CDH12: variants seen among roughly 807,000 people sequenced by gnomAD.
CDH12 encodes cadherin-12.
In CDH12, 41 loss-of-function variants were observed where a neutral mutation model predicts 74.1. The observed-to-expected ratio is 0.55, with a 90% CI of 0.43 to 0.72. The LOEUF (loss-of-function observed/expected upper bound fraction) is 0.72. CDH12 is among the 30% of genes least tolerant of loss of function. The probability of loss-of-function intolerance (pLI) is 0.00; values close to 1 mark genes in which losing one functional copy is unlikely to be tolerated. For missense variants in CDH12, 945 were observed against 977.2 expected, an observed-to-expected ratio of 0.97 and a Z score of 0.44; for synonymous variants, 399 against 355.0, an observed-to-expected ratio of 1.12 and a Z score of -1.39.
intron 2 of CDH12, among the ~76,000 whole-genome samples, chr5:22,427,518 A>G (rs567542534): frequency 6.6e-6 from 1 of 152,280 alleles, no homozygotes; most frequent in East Asian, 1.9e-4. Flanking sequence ...AACTAAAACG[A>G]TTTAATACAG....
At chr5:22,081,888 T>A (rs1742754047) in intron 4 of CDH12, among the ~76,000 whole-genome samples, 1 of 152,172 alleles carries the variant, frequency 6.6e-6, no homozygotes, top group Non-Finnish European at 1.5e-5. Flanking sequence ...GTCTATAGTG[T>A]GGAAAAATTA....
intron 1 of CDH12, among the ~76,000 whole-genome samples, chr5:22,697,498 G>C (rs1253535421): frequency 6.6e-6 from 1 of 150,942 alleles, no homozygotes; most frequent in Non-Finnish European, 1.5e-5. Context: ...CGTGAACCCG[G>C]GAGGCGGAGC....
intron 6 of CDH12, among the ~76,000 whole-genome samples, chr5:21,888,346 C>G (rs1752738420): frequency 1.3e-5 from 2 of 152,224 alleles, no homozygotes; most frequent in East Asian, 1.9e-4. Context: ...TATCAAACAC[C>G]TTACCTGTTA....
intron 4 of CDH12, among the ~76,000 whole-genome samples, chr5:22,168,482 T>A (rs1446311163): frequency 6.6e-6 from 1 of 152,026 alleles, no homozygotes; most frequent in Non-Finnish European, 1.5e-5. Context: ...AAGGAAGAAG[T>A]CATTTAATTT....
intron 1 of CDH12, among the ~76,000 whole-genome samples, chr5:22,603,261 C>T (rs1394297660): frequency 6.6e-6 from 1 of 151,940 alleles, no homozygotes; most frequent in Non-Finnish European, 1.5e-5. Context: ...AAAATAAATG[C>T]ATGCATAAAT....
chr5:22,629,788 T>C (rs1738487819), intron 1 of CDH12, among the ~76,000 whole-genome samples: 1 of 151,910 alleles, frequency 6.6e-6, no homozygotes, highest in Non-Finnish European at 1.5e-5. Flanking sequence ...AAGAAATAAA[T>C]GGCATCCAAA....
Position 22,698,064 on chromosome 5 carries a change from A to ATATT in CDH12, c.-523+154990_-523+154993dup, listed in dbSNP as rs1476881264. 3.4e-5 allele frequency among the ~76,000 whole-genome samples: 5 copies of ATATT among 147,338 alleles called. No individual in the cohort carries two copies. The East Asian group carries it at 1.0e-3, about 30-fold the overall frequency. ...GAGCTAATACAATTGAACTCATTTT[A>ATATT]TATTTTAGAGACTATTCAGATAGGT... On this transcript the variant is annotated intron_variant, in intron 1 of 14. Coordinates refer to ENST00000382254, the MANE Select transcript of CDH12 (RefSeq NM_004061.5).
At chr5:22,446,066 C>G (rs1180610082) in intron 2 of CDH12, among the ~76,000 whole-genome samples, 1 of 152,094 alleles carries the variant, frequency 6.6e-6, no homozygotes, top group East Asian at 1.9e-4. Flanking sequence ...GCTGGACAAA[C>G]AGGCAACCCC....
intron 6 of CDH12, among the ~76,000 whole-genome samples, chr5:21,967,999 C>T (rs1475671472): frequency 2.0e-5 from 3 of 152,142 alleles, no homozygotes; most frequent in East Asian, 1.9e-4. Context: ...AAGGTAAAGG[C>T]GTCCTCTACA....
At chr5:22,260,179 T>C (rs925381808) in intron 3 of CDH12, among the ~76,000 whole-genome samples, 2 of 152,080 alleles carry the variant, frequency 1.3e-5, no homozygotes, top group Non-Finnish European at 2.9e-5. Flanking sequence ...CTGTTTGAAA[T>C]ATGAAGATTT....
chr5:21,938,748 A>ATATATATC (rs1490336535), intron 6 of CDH12, among the ~76,000 whole-genome samples: 1 of 136,598 alleles, frequency 7.3e-6, no homozygotes, highest in African/African-American at 3.0e-5. Context: ...ATATATATAT[A>ATATATATC]TCTTCTACAT....
At chr5:22,625,822 A>G (rs145365372) in intron 1 of CDH12, among the ~76,000 whole-genome samples, 1 of 151,828 alleles carries the variant, frequency 6.6e-6, no homozygotes, top group East Asian at 1.9e-4. Context: ...CAGCAAACTG[A>G]CCTTTGTTGA....
rs758159930 is a variant in CDH12 at position 21,817,041 on chromosome 5, T to C, written c.906A>G (p.Ala302=). The stretch of plus-strand genomic sequence containing the variant: ...CTGGAACAATATTGTATTCAATTTC[T>C]GCATTTTGTCCAAAATCAGGATCCA... ...RAVDPDFGQN[A]EIEYNIVPGD... The change falls in exon 9 of 15, where the codon GCA becomes GCG. Residue 302 remains alanine (A), a synonymous_variant. Coordinates refer to ENST00000382254, the MANE Select transcript of CDH12 (RefSeq NM_004061.5). The C allele has an allele frequency of 3.7e-6, 6 of 1,612,838 alleles. No homozygotes were observed. The highest frequency in any genetic ancestry group is 1.7e-5 in the Admixed American group (1 of 59,924).
chr5:22,830,593 T>G (rs1736555989), intron 1 of CDH12, among the ~76,000 whole-genome samples: 1 of 151,836 alleles, frequency 6.6e-6, no homozygotes, highest in South Asian at 2.1e-4. Flanking sequence ...TTTTATATAG[T>G]TTTCTTCTGT....
chr5:21,790,074 T>C (rs1002012255), intron 10 of CDH12, among the ~76,000 whole-genome samples: 4 of 152,104 alleles, frequency 2.6e-5, no homozygotes, highest in Admixed American at 6.6e-5. Flanking sequence ...TCTCAGTTTT[T>C]ACAGTGAGTG....
chr5:21,898,862 G>A lies in CDH12; in HGVS notation c.527-44072C>T, dbSNP rs539115563. Among the ~76,000 whole-genome samples, 125 of 121,666 alleles carry A rather than the reference G, an allele frequency of 1.0e-3. 1 individual carries two copies. Among genetic ancestry groups the A allele is most frequent in the Non-Finnish European group, 1.7e-3 (101 of 58,420 alleles). 79.8% of individuals were successfully genotyped at this position (121,666 alleles called of 152,430 possible). On this transcript the variant is annotated intron_variant, in intron 6 of 14. Transcript: ENST00000382254. The stretch of plus-strand genomic sequence containing the variant: ...AAGGAGAGGAAATCTGGTCTGTATC[G>A]CTTGAATTTTATCATGGAAGTTAAA...
intron 3 of CDH12, among the ~76,000 whole-genome samples, chr5:22,350,200 A>G (rs190905536): frequency 1.3e-5 from 2 of 152,222 alleles, no homozygotes; most frequent in African/African-American, 4.8e-5. Context: ...TGATTTTTCT[A>G]TTCAACAAAT....
intron 4 of CDH12, among the ~76,000 whole-genome samples, chr5:22,096,258 G>A (rs915618853): frequency 2.0e-5 from 3 of 152,128 alleles, no homozygotes; most frequent in Middle Eastern, 3.4e-3. Flanking sequence ...CGGCACTTTC[G>A]ATTTTTCCGT....
chr5:22,730,015 T>C (rs975977611), intron 1 of CDH12, among the ~76,000 whole-genome samples: 2 of 151,918 alleles, frequency 1.3e-5, no homozygotes, highest in Non-Finnish European at 2.9e-5. Context: ...CAGACTTTAG[T>C]ATAATGTGTT....
Sources: gnomAD v4.1 joint callset for allele counts (sites outside exome capture counted in the v4.1 genomes callset) on GRCh38, gnomAD v4.1.1 for gene constraint, MANE v1.5 for transcripts, NCBI Gene and HGNC (gene_info 2026-07-23, HGNC 2026-07-21) for gene names.